STX8: variants seen among roughly 807,000 people sequenced by gnomAD.
STX8 encodes syntaxin 8.
Under a neutral mutation model 37.5 loss-of-function variants are expected in STX8, and 23 were observed. The ratio of observed to expected loss-of-function variants is 0.61; its 90% CI spans 0.44 to 0.87. The LOEUF is 0.87. Among genes scored for constraint, STX8 ranks in the 40% least tolerant of loss-of-function variants. The pLI, the probability that STX8 is intolerant of heterozygous loss-of-function variation, is 0.00. For synonymous variants in STX8, 115 were observed against 99.1 expected (o/e 1.16, Z -0.95); for missense variants, 313 against 284.7 (o/e 1.10, Z -0.71).
intron 7 of STX8, among the ~76,000 whole-genome samples, chr17:9,288,105 G>GC (rs1908148417): frequency 8.5e-6 from 1 of 117,240 alleles, no homozygotes; most frequent in African/African-American, 3.3e-5. Context: ...CAAGGGGGGG[G>GC]GGGGGGAGAA....
At chr17:9,463,617 C>G (rs559040412) in intron 6 of STX8, among the ~76,000 whole-genome samples, 1 of 152,004 alleles carries the variant, frequency 6.6e-6, no homozygotes, top group African/African-American at 2.4e-5. Flanking sequence ...ACTAAAAATA[C>G]AAAATTTAGG....
At chr17:9,534,299 G>A (rs1355297151) in intron 4 of STX8, among the ~76,000 whole-genome samples, 1 of 150,860 alleles carries the variant, frequency 6.6e-6, no homozygotes, top group African/African-American at 2.4e-5. Context: ...CTTTTGTGAA[G>A]AAGACGTTAC....
intron 6 of STX8, among the ~76,000 whole-genome samples, chr17:9,462,734 A>C (rs1259917268): frequency 6.6e-6 from 1 of 152,178 alleles, no homozygotes; most frequent in Non-Finnish European, 1.5e-5. Context: ...ACAACGAAAT[A>C]ATTTCCATCA....
At chr17:9,481,946 C>A (rs1906366991) in intron 6 of STX8, among the ~76,000 whole-genome samples, 1 of 152,176 alleles carries the variant, frequency 6.6e-6, no homozygotes, top group Admixed American at 6.5e-5. Context: ...CTGTCTTCCA[C>A]AAAACTGGTC....
At chr17:9,435,963 C>T (rs1904415170) in intron 6 of STX8, among the ~76,000 whole-genome samples, 1 of 151,984 alleles carries the variant, frequency 6.6e-6, no homozygotes, top group Admixed American at 6.6e-5. Context: ...GGAAGGAATC[C>T]GTTACAGTCT....
intron 7 of STX8, among the ~76,000 whole-genome samples, chr17:9,362,785 G>A (rs1285209412): frequency 6.8e-6 from 1 of 146,688 alleles, no homozygotes; most frequent in Non-Finnish European, 1.5e-5. Flanking sequence ...TTGTGCCACT[G>A]CACTCCAGCC....
chr17:9,425,378 G>A (rs1396889258), intron 6 of STX8, among the ~76,000 whole-genome samples: 1 of 152,064 alleles, frequency 6.6e-6, no homozygotes, highest in Non-Finnish European at 1.5e-5. Flanking sequence ...AATACATGAT[G>A]ATTTATTTGT....
intron 5 of STX8, among the ~76,000 whole-genome samples, chr17:9,499,969 T>C (rs1392150424): frequency 6.6e-6 from 1 of 152,168 alleles, no homozygotes; most frequent in African/African-American, 2.4e-5. Flanking sequence ...CTTGGCAAAA[T>C]GCAACAATGC....
chr17:9,308,721 C>CAAA (rs1171647976), intron 7 of STX8, among the ~76,000 whole-genome samples: 761 of 71,312 alleles, frequency 0.011, 4 homozygotes, highest in East Asian at 0.043. Context: ...GAAACTCCGT[C>CAAA]AAAAAAAAAA....
intron 4 of STX8, among the ~76,000 whole-genome samples, chr17:9,520,899 G>A (rs1033229666): frequency 4.6e-5 from 7 of 152,156 alleles, no homozygotes; most frequent in African/African-American, 1.7e-4. Flanking sequence ...AAATATCAGT[G>A]TTTGGGCATT....
At chr17:9,474,422 GA>G (rs1906013392) in intron 6 of STX8, among the ~76,000 whole-genome samples, 1 of 152,048 alleles carries the variant, frequency 6.6e-6, no homozygotes, top group South Asian at 2.1e-4. Flanking sequence ...ACCCAGACTG[GA>G]GTGCAATGGC....
At chr17:9,399,511 G>A (rs1912526146) in intron 6 of STX8, among the ~76,000 whole-genome samples, 1 of 152,074 alleles carries the variant, frequency 6.6e-6, no homozygotes, top group Non-Finnish European at 1.5e-5. Flanking sequence ...AGAAAAAGTG[G>A]GCGTCAGCTC....
intron 7 of STX8, among the ~76,000 whole-genome samples, chr17:9,310,059 G>A (rs892876911): frequency 2.0e-5 from 3 of 151,820 alleles, no homozygotes; most frequent in African/African-American, 4.8e-5. Flanking sequence ...ATGATGTTTC[G>A]GAAAGAAAAA....
chr17:9,511,329 T>C (rs983710984), intron 4 of STX8, among the ~76,000 whole-genome samples: 1 of 151,916 alleles, frequency 6.6e-6, no homozygotes, highest in Non-Finnish European at 1.5e-5. Flanking sequence ...CAGGCCAATA[T>C]CCCTGATAAA....
At chr17:9,514,910 T>C (rs912926856) in intron 4 of STX8, among the ~76,000 whole-genome samples, 4 of 152,018 alleles carry the variant, frequency 2.6e-5, no homozygotes, top group African/African-American at 9.7e-5. Flanking sequence ...CAATATGGAG[T>C]GAACAGCTAA....
At chr17:9,517,862 A>T (rs937679297) in intron 4 of STX8, among the ~76,000 whole-genome samples, 1 of 151,986 alleles carries the variant, frequency 6.6e-6, no homozygotes, top group African/African-American at 2.4e-5. Flanking sequence ...TTAGTGAAGA[A>T]AGGAAGAGAT....
rs369755363 is a variant in STX8 at position 9,491,863 on chromosome 17, C to T, written c.507G>A (p.Gly169=). ...SSIISRQKQM[G]QEIGNELDEQ... is the part of the protein sequence containing the mutation. Reference sequence around the variant, plus strand: ...CATCCAATTCATTCCCAATTTCCTGCCCCATTTGTTTTTGGCGACTTATGA... The same window carrying T: ...CATCCAATTCATTCCCAATTTCCTGTCCCATTTGTTTTTGGCGACTTATGA... The change falls in exon 6 of 8, where the codon GGG becomes GGA. Residue 169 remains glycine (G), a synonymous_variant. Transcript: ENST00000306357. 10 of 1,613,816 alleles carry T rather than the reference C, an allele frequency of 6.2e-6. No individual in the cohort carries two copies. The highest frequency in any genetic ancestry group is 1.3e-5 in the African/African-American group (1 of 74,908).
chr17:9,375,636 GA>G (rs1911555051), intron 7 of STX8, among the ~76,000 whole-genome samples: 1 of 152,134 alleles, frequency 6.6e-6, no homozygotes, highest in Admixed American at 6.5e-5. Context: ...ATGTACCAAA[GA>G]TGGTTTTAAG....
intron 7 of STX8, among the ~76,000 whole-genome samples, chr17:9,301,452 CTTTTT>C (rs889723021): frequency 6.6e-6 from 1 of 151,066 alleles, no homozygotes; most frequent in East Asian, 1.9e-4. Context: ...CAGTGCTTTA[CTTTTT>C]TTTAATTTTT....
Sources: allele counts gnomAD v4.1 joint callset (sites outside exome capture counted in the v4.1 genomes callset), GRCh38; gene constraint gnomAD v4.1.1; transcripts MANE v1.5; gene names NCBI Gene and HGNC (gene_info 2026-07-23, HGNC 2026-07-21).